The following CACNA2D4 variants were observed in gnomAD, a reference collection of about 807,000 sequenced individuals.
CACNA2D4 encodes voltage-dependent calcium channel subunit alpha-2/delta-4.
In CACNA2D4, 157 loss-of-function variants were observed where a neutral mutation model predicts 163.8. That is an observed-to-expected ratio of 0.96 (90% CI 0.84 to 1.09). CACNA2D4 has a LOEUF of 1.09. Ranked by LOEUF, CACNA2D4 falls within the 50% of genes least tolerant of loss-of-function variation. CACNA2D4 has a pLI of 0.00. For missense variants in CACNA2D4, 1,410 were observed against 1,479.9 expected (o/e 0.95, Z 0.78); for synonymous variants, 598 against 586.9 (o/e 1.02, Z -0.27).
chr12:1,869,490 G>C lies in CACNA2D4; in HGVS notation c.1878+5114C>G, dbSNP rs529118967. 1.3e-5 allele frequency among the ~76,000 whole-genome samples: 2 copies of C among 152,370 alleles called. No homozygotes were observed. The highest frequency in any genetic ancestry group is 1.3e-4 in the Admixed American group (2 of 15,304). On this transcript the variant is annotated intron_variant, in intron 18 of 37. Transcript: ENST00000382722. The surrounding 1 kb of genome is among the most constrained non-coding windows in gnomAD (Gnocchi z 4.7). Reference sequence around the variant, plus strand: ...CCGTCTGCGGGTCATCTGCCATCCTGATGGGTAGAGTTGGTGAGTGACAGA... The same window carrying C: ...CCGTCTGCGGGTCATCTGCCATCCTCATGGGTAGAGTTGGTGAGTGACAGA...
intron 29 of CACNA2D4, among the ~76,000 whole-genome samples, chr12:1,805,180 AC>A (rs892735995): frequency 7.3e-5 from 11 of 151,058 alleles, no homozygotes; most frequent in African/African-American, 2.2e-4. Context: ...AGAGTCGAGG[AC>A]CCCCCCTGCC....
rs754669867 is a variant in CACNA2D4 at position 1,912,881 on chromosome 12, C to G, written c.426+142G>C. ...TTGGAGTGAGGGTTCTTTTGGCTAA[C>G]GAAGGTACAAGGCGGAATCTTGTAA... is the stretch of plus-strand genomic sequence containing the variant. On this transcript the variant is annotated intron_variant, in intron 3 of 37. Coordinates refer to ENST00000382722, the MANE Select transcript of CACNA2D4 (RefSeq NM_172364.5). 5.0e-6 allele frequency: 3 copies of G among 600,616 alleles called. No individual in the cohort carries two copies. In the East Asian group the frequency reaches 8.4e-5, roughly 17 times the overall value. 37.2% of individuals were successfully genotyped at this position (600,616 alleles called of 1,614,324 possible). A position where few individuals can be genotyped will look rare whatever the true frequency, so the allele number is the denominator to read the frequency against.
intron 25 of CACNA2D4, 84 bp from the exon 26 acceptor site, chr12:1,840,903 T>C: frequency 8.3e-7 from 1 of 1,211,300 alleles, no homozygotes; most frequent in Non-Finnish European, 1.2e-6. Context: ...GAATAGGAGA[T>C]GGGAATAAAA....
chr12:1,913,077 C>T lies in CACNA2D4; in HGVS notation c.372G>A (p.Arg124=), dbSNP rs747646488. Residue 124 remains arginine, a synonymous_variant, in exon 3 of 38, where the codon AGG becomes AGA. Coordinates refer to ENST00000382722, the MANE Select transcript of CACNA2D4 (RefSeq NM_172364.5). ...IEEVDGLELV[R]KFSEDMENML... is the part of the protein sequence containing the mutation. ...TGTTCTCCATGTCCTCTGAGAACTT[C>T]CTCACCAGCTCCAAGCCATCCACCT... is the stretch of plus-strand genomic sequence containing the variant. The T allele has an allele frequency of 1.2e-6, 2 of 1,613,918 alleles. No individual in the cohort carries two copies. The highest frequency in any genetic ancestry group is 2.2e-5 in the East Asian group (1 of 44,866).
chr12:1,795,840 G>A, intron 35 of CACNA2D4, 60 bp from the exon 36 acceptor site: 1 of 1,072,204 alleles, frequency 9.3e-7, no homozygotes, highest in Non-Finnish European at 1.5e-6. Flanking sequence ...GGGCTTCTAG[G>A]GAAGGAACTT....
chr12:1,826,316 T>C (rs1864313547), intron 26 of CACNA2D4, among the ~76,000 whole-genome samples: 1 of 151,454 alleles, frequency 6.6e-6, no homozygotes, highest in Non-Finnish European at 1.5e-5. Flanking sequence ...GGTATTGCGG[T>C]CACCATTTCT....
chr12:1,800,515 C>T, intron 31 of CACNA2D4, 77 bp from the exon 32 acceptor site: 1 of 1,444,704 alleles, frequency 6.9e-7, no homozygotes, highest in Non-Finnish European at 9.7e-7. Context: ...CCAGCACCAC[C>T]CTCAGAGAGA....
chr12:1,908,081 G>A (rs566516053), intron 4 of CACNA2D4, 44 bp from the exon 5 acceptor site: 3 of 1,571,826 alleles, frequency 1.9e-6, no homozygotes, highest in Admixed American at 1.7e-5. Flanking sequence ...CCGAGCACCG[G>A]GACAGGCGGA....
At chr12:1,849,297 T>A (rs1865223288) in intron 23 of CACNA2D4, among the ~76,000 whole-genome samples, 1 of 152,242 alleles carries the variant, frequency 6.6e-6, no homozygotes, top group African/African-American at 2.4e-5. Flanking sequence ...CTTCTCTGAT[T>A]TTTGAAATTT....
At position 1,846,499 on chromosome 12, in the gene CACNA2D4, G is replaced by C. The variant is rs1865146002; in HGVS notation, c.2342+95C>G. On this transcript the variant is annotated intron_variant, in intron 24 of 37. Transcript: ENST00000382722. ...AGGGGTCCAGCATGCTGGAGACCCG[G>C]TGCCAGTCCACCCATGGCCCAGGAA... 3 of 1,001,432 alleles carry C rather than the reference G, an allele frequency of 3.0e-6. No homozygotes were observed. The Admixed American group carries it at 6.1e-5, about 20-fold the overall frequency. The allele number at this position is 1,001,432 out of a possible 1,614,324, so 62.0% of individuals were successfully genotyped here. A position where few individuals can be genotyped will look rare whatever the true frequency, so the allele number is the denominator to read the frequency against.
intron 6 of CACNA2D4, among the ~76,000 whole-genome samples, chr12:1,899,976 T>C (rs1346246651): frequency 1.3e-5 from 2 of 151,978 alleles, no homozygotes; most frequent in East Asian, 3.8e-4. Context: ...CATTAGAAAA[T>C]TCAATAGTTA....
chr12:1,884,711 C>T (rs1300067234), intron 11 of CACNA2D4, 57 bp downstream of exon 11: 1 of 1,148,204 alleles, frequency 8.7e-7, no homozygotes, highest in Non-Finnish European at 1.3e-6. Context: ...TGCTGGTGAT[C>T]CCATCCATGG....
At chr12:1,861,446 C>G (rs1210907402) in intron 18 of CACNA2D4, among the ~76,000 whole-genome samples, 1 of 139,044 alleles carries the variant, frequency 7.2e-6, no homozygotes, top group African/African-American at 2.9e-5. Flanking sequence ...TATTTTTACT[C>G]TTTTTTTTTT....
chr12:1,831,906 G>T (rs1864652912), intron 26 of CACNA2D4, among the ~76,000 whole-genome samples: 2 of 152,194 alleles, frequency 1.3e-5, no homozygotes, highest in African/African-American at 2.4e-5. Context: ...GGCTTCCCCA[G>T]TGTGGTAGAA....
chr12:1,822,313 G>A (rs999891830), intron 26 of CACNA2D4, among the ~76,000 whole-genome samples: 2 of 152,140 alleles, frequency 1.3e-5, no homozygotes, highest in African/African-American at 4.8e-5. Flanking sequence ...GGAGGGGATG[G>A]CATGTATGTG....
chr12:1,824,864 CCA>C (rs1422624726), intron 26 of CACNA2D4, among the ~76,000 whole-genome samples: 1 of 152,170 alleles, frequency 6.6e-6, no homozygotes, highest in Non-Finnish European at 1.5e-5. Context: ...CTCTGTGGTG[CCA>C]CACACATATG....
intron 13 of CACNA2D4, among the ~76,000 whole-genome samples, chr12:1,882,369 C>T (rs754181058): frequency 5.3e-5 from 8 of 152,234 alleles, no homozygotes; most frequent in Non-Finnish European, 1.0e-4. Flanking sequence ...GCAGAAAGGT[C>T]TCCCTTCCCC....
At chr12:1,848,762 A>AATTATTATTATT (rs146412961) in intron 23 of CACNA2D4, among the ~76,000 whole-genome samples, 5,891 of 147,294 alleles carry the variant, frequency 0.04, 317 homozygotes, top group African/African-American at 0.12. Flanking sequence ...AACCCATTGC[A>AATTATTATTATT]ATTATTATTA....
At chr12:1,899,200 T>C (rs1038295968) in intron 6 of CACNA2D4, among the ~76,000 whole-genome samples, 21 of 152,216 alleles carry the variant, frequency 1.4e-4, no homozygotes, top group African/African-American at 3.6e-4. Flanking sequence ...AGTGTAGACT[T>C]AACATTTATT....
Sources: gnomAD v4.1 joint callset for allele counts (sites outside exome capture counted in the v4.1 genomes callset) on GRCh38, gnomAD v4.1.1 for gene constraint, Gnocchi (gnomAD v3.1) non-coding constraint, MANE v1.5 for transcripts, NCBI Gene and HGNC (gene_info 2026-07-23, HGNC 2026-07-21) for gene names.